The following PRKN variants were observed in gnomAD, a reference collection of about 807,000 sequenced individuals.
The protein encoded by PRKN is parkin RBR E3 ubiquitin protein ligase.
Under a neutral mutation model 59.5 loss-of-function variants are expected in PRKN, and 56 were observed. The observed-to-expected ratio is 0.94, with a 90% CI of 0.76 to 1.18. The LOEUF (loss-of-function observed/expected upper bound fraction) is 1.18. Ranked by LOEUF, PRKN falls within the 50% of genes most tolerant of loss-of-function variation. PRKN has a pLI of 0.00. For synonymous variants in PRKN, 250 were observed against 222.1 expected, an observed-to-expected ratio of 1.13 and a Z score of -1.12; for missense variants, 657 against 596.4, an observed-to-expected ratio of 1.10 and a Z score of -1.06.
intron 1 of PRKN, among the ~76,000 whole-genome samples, chr6:162,696,522 C>G (rs2128236005): frequency 6.7e-6 from 1 of 148,930 alleles, no homozygotes; most frequent in East Asian, 2.0e-4. Context: ...ACTGGATTCA[C>G]TACATTGTTT....
Position 161,545,348 on chromosome 6 carries a change from T to C in PRKN, c.1083+3506A>G. 1.9e-6 allele frequency: 3 copies of C among 1,607,560 alleles called. No individual in the cohort carries two copies. The Admixed American group carries it at 5.1e-5, about 27-fold the overall frequency. On this transcript the variant is annotated intron_variant, in intron 9 of 11. Coordinates refer to ENST00000366898, the MANE Select transcript of PRKN (RefSeq NM_004562.3). This position sits in a 1 kb window ranked among gnomAD's most constrained non-coding sequence, Gnocchi z 4.1. ...TGGAACTCTGTAATTCTTCTATAGCTTTGCTACCAATGACTTTTCCTTGAA... is the reference window on the plus strand; with the variant it reads ...TGGAACTCTGTAATTCTTCTATAGCCTTGCTACCAATGACTTTTCCTTGAA...
intron 6 of PRKN, among the ~76,000 whole-genome samples, chr6:161,795,790 T>A (rs569160333): frequency 7.9e-5 from 12 of 151,858 alleles, no homozygotes; most frequent in Non-Finnish European, 1.6e-4. Context: ...AAATACAAAC[T>A]AAGGCCGAAA....
intron 6 of PRKN, among the ~76,000 whole-genome samples, chr6:161,857,315 T>C (rs1275954550): frequency 6.6e-6 from 1 of 152,166 alleles, no homozygotes; most frequent in Non-Finnish European, 1.5e-5. Flanking sequence ...ACCACTGCGG[T>C]GTGAAAGCAG....
intron 4 of PRKN, among the ~76,000 whole-genome samples, chr6:162,123,664 GT>G (rs1360142113): frequency 2.0e-5 from 3 of 152,128 alleles, no homozygotes; most frequent in Non-Finnish European, 4.4e-5. Flanking sequence ...CCAAGAGAGT[GT>G]TTGAACGAAT....
chr6:161,931,317 A>T (rs1779163671), intron 6 of PRKN, among the ~76,000 whole-genome samples: 1 of 152,132 alleles, frequency 6.6e-6, no homozygotes, highest in African/African-American at 2.4e-5. Flanking sequence ...ATGTGTCTGT[A>T]GTCCCAGCTA....
At chr6:161,537,490 C>T (rs185298540) in intron 9 of PRKN, among the ~76,000 whole-genome samples, 13 of 148,410 alleles carry the variant, frequency 8.8e-5, no homozygotes, top group African/African-American at 3.0e-4. Flanking sequence ...CTTGCTCTGT[C>T]GCCCAGGCTG....
intron 7 of PRKN, among the ~76,000 whole-genome samples, chr6:161,765,189 T>C (rs889584571): frequency 2.0e-5 from 3 of 152,216 alleles, no homozygotes; most frequent in African/African-American, 4.8e-5. Context: ...TATAAACACA[T>C]CATATATTAC....
At position 162,569,273 on chromosome 6, in the gene PRKN, G is replaced by T. The variant is rs535630171; in HGVS notation, c.8-125800C>A. ...CAAAAGCCAGAGGGCTTCCCTGGAG[G>T]CCACCATCGCAGATGTCAAGCAGCG... On this transcript the variant is annotated intron_variant, in intron 1 of 11. Transcript: ENST00000366898. The T allele has an allele frequency of 4.7e-4, 276 of 591,790 alleles. 1 individual carries two copies. Among genetic ancestry groups the T allele is most frequent in the Middle Eastern group, 3.9e-3 (8 of 2,032 alleles). The allele number at this position is 591,790 out of a possible 1,614,324, so 36.7% of individuals were successfully genotyped here.
intron 7 of PRKN, among the ~76,000 whole-genome samples, chr6:161,730,163 T>A (rs766965290): frequency 6.6e-6 from 1 of 151,826 alleles, no homozygotes; most frequent in Non-Finnish European, 1.5e-5. Flanking sequence ...TGTGTTGCAT[T>A]CTTTCTGATG....
intron 7 of PRKN, among the ~76,000 whole-genome samples, chr6:161,577,725 T>C (rs148594601): frequency 8.7e-4 from 132 of 152,322 alleles, no homozygotes; most frequent in African/African-American, 2.9e-3. Flanking sequence ...TTTCATAATT[T>C]ATATTAAAAT....
At chr6:162,490,076 C>T (rs994992505) in intron 1 of PRKN, among the ~76,000 whole-genome samples, 1 of 152,158 alleles carries the variant, frequency 6.6e-6, no homozygotes, top group South Asian at 2.1e-4. Context: ...ACAGCATACT[C>T]TCTCATGGCT....
intron 4 of PRKN, among the ~76,000 whole-genome samples, chr6:162,122,714 T>C (rs1371130597): frequency 7.4e-6 from 1 of 135,188 alleles, no homozygotes; most frequent in Non-Finnish European, 1.6e-5. Context: ...GGGCTCAATC[T>C]GTTCTATCTA....
Position 161,632,145 on chromosome 6 carries a change from C to T in PRKN, c.872-62729G>A, listed in dbSNP as rs116036413. Among the ~76,000 whole-genome samples, 451 of 152,278 alleles carry T rather than the reference C, an allele frequency of 3.0e-3. 3 individuals carry two copies. Among genetic ancestry groups the T allele is most frequent in the African/African-American group, 0.011 (442 of 41,572 alleles). ...TTCCAGTGGAACTGATGAGTCATGG[C>T]TCAACATGGCAGAGAGGTCTTATTT... is the stretch of plus-strand genomic sequence containing the variant. On this transcript the variant is annotated intron_variant, in intron 7 of 11. Coordinates refer to ENST00000366898, the MANE Select transcript of PRKN (RefSeq NM_004562.3).
At chr6:162,562,607 T>C (rs1779888843) in intron 1 of PRKN, among the ~76,000 whole-genome samples, 1 of 152,168 alleles carries the variant, frequency 6.6e-6, no homozygotes, top group Non-Finnish European at 1.5e-5. Flanking sequence ...GTGAGGCTCC[T>C]CTGCCTTTGG....
At chr6:162,226,578 G>A (rs1433779080) in intron 3 of PRKN, among the ~76,000 whole-genome samples, 2 of 152,196 alleles carry the variant, frequency 1.3e-5, no homozygotes, top group Non-Finnish European at 2.9e-5. Flanking sequence ...TCTGTTGCCA[G>A]GCTGGAGTGC....
chr6:161,472,174 C>T (rs1325094015), intron 9 of PRKN, among the ~76,000 whole-genome samples: 2 of 152,000 alleles, frequency 1.3e-5, no homozygotes, highest in Non-Finnish European at 2.9e-5. Flanking sequence ...TCCAAGTACC[C>T]CAGGACAACA....
At chr6:161,632,222 T>C (rs1475735190) in intron 7 of PRKN, among the ~76,000 whole-genome samples, 1 of 152,194 alleles carries the variant, frequency 6.6e-6, no homozygotes, top group African/African-American at 2.4e-5. Flanking sequence ...GCGTCACACA[T>C]TTTTGTTCAT....
intron 1 of PRKN, among the ~76,000 whole-genome samples, chr6:162,461,519 A>G (rs892645451): frequency 6.8e-6 from 1 of 147,898 alleles, no homozygotes; most frequent in African/African-American, 2.5e-5. Flanking sequence ...AAAAAAAAAA[A>G]AAAAAAAAAG....
chr6:161,457,096 G>T lies in PRKN; in HGVS notation c.1084-70219C>A, dbSNP rs1043922157. 1.3e-5 allele frequency among the ~76,000 whole-genome samples: 2 copies of T among 152,196 alleles called. No individual in the cohort carries two copies. Among genetic ancestry groups the T allele is most frequent in the African/African-American group, 4.8e-5 (2 of 41,442 alleles). On this transcript the variant is annotated intron_variant, in intron 9 of 11. Coordinates refer to ENST00000366898, the MANE Select transcript of PRKN (RefSeq NM_004562.3). This position sits in a 1 kb window ranked among gnomAD's most constrained non-coding sequence, Gnocchi z 5.0. ...AATATCCACTGAGCGTCTTCGCTACGCAAGGCTCTCTTCCAGACCGCTTGG... is the reference window on the plus strand; with the variant it reads ...AATATCCACTGAGCGTCTTCGCTACTCAAGGCTCTCTTCCAGACCGCTTGG...
Sources: gnomAD v4.1 joint callset for allele counts (sites outside exome capture counted in the v4.1 genomes callset) on GRCh38, gnomAD v4.1.1 for gene constraint, Gnocchi (gnomAD v3.1) non-coding constraint, MANE v1.5 for transcripts, NCBI Gene and HGNC (gene_info 2026-07-23, HGNC 2026-07-21) for gene names.